The following PCSK5 variants were observed in gnomAD, a reference collection of about 807,000 sequenced individuals.
PCSK5 encodes prohormone convertase 5.
PCSK5 carries 129 observed loss-of-function variants against 233.2 expected under a neutral mutation model. The ratio of observed to expected loss-of-function variants is 0.55; its 90% CI spans 0.48 to 0.64. The LOEUF is 0.64. Among genes scored for constraint, PCSK5 ranks in the 30% least tolerant of loss-of-function variants. PCSK5 has a pLI of 0.00. For synonymous variants in PCSK5, 825 were observed against 879.2 expected, an observed-to-expected ratio of 0.94 and a Z score of 1.09; for missense variants, 2,076 against 2,430.1, an observed-to-expected ratio of 0.85 and a Z score of 3.06.
intron 2 of PCSK5, among the ~76,000 whole-genome samples, chr9:75,980,509 T>G (rs1056512086): frequency 6.6e-6 from 1 of 152,196 alleles, no homozygotes; most frequent in Admixed American, 6.5e-5. Context: ...AAATGTCTGT[T>G]TCAAGCAAAT....
chr9:76,095,207 G>A (rs1405412363), intron 7 of PCSK5, among the ~76,000 whole-genome samples: 4 of 152,104 alleles, frequency 2.6e-5, no homozygotes, highest in African/African-American at 9.7e-5. Context: ...AGTAATTAGT[G>A]TCTACACCAC....
chr9:76,190,571 T>C (rs1824324397), intron 20 of PCSK5, among the ~76,000 whole-genome samples: 1 of 134,176 alleles, frequency 7.5e-6, no homozygotes, highest in South Asian at 2.7e-4. Flanking sequence ...AATAGCAGCA[T>C]AAAATTCAAT....
chr9:76,090,117 A>T (rs1831224854), intron 7 of PCSK5, among the ~76,000 whole-genome samples: 1 of 152,186 alleles, frequency 6.6e-6, no homozygotes, highest in Non-Finnish European at 1.5e-5. Flanking sequence ...TTAAATAGCC[A>T]ATTGCAATCA....
intron 2 of PCSK5, among the ~76,000 whole-genome samples, chr9:75,963,707 C>G (rs1284225346): frequency 6.6e-6 from 1 of 152,126 alleles, no homozygotes; most frequent in Non-Finnish European, 1.5e-5. Flanking sequence ...GGTGAAACCC[C>G]GTCTCTACTA....
At chr9:75,951,815 G>C (rs777099137) in intron 2 of PCSK5, among the ~76,000 whole-genome samples, 7 of 152,120 alleles carry the variant, frequency 4.6e-5, no homozygotes, top group Admixed American at 2.0e-4. Context: ...CATTTACATT[G>C]TATTAGGTAT....
chr9:76,254,930 A>C (rs930586829), intron 24 of PCSK5, among the ~76,000 whole-genome samples: 1 of 152,190 alleles, frequency 6.6e-6, no homozygotes, highest in African/African-American at 2.4e-5. Flanking sequence ...GCAGGTGCTG[A>C]TACCTACTCC....
At chr9:76,265,507 T>C (rs1189021965) in intron 24 of PCSK5, among the ~76,000 whole-genome samples, 1 of 152,130 alleles carries the variant, frequency 6.6e-6, no homozygotes, top group Non-Finnish European at 1.5e-5. Flanking sequence ...ATAAATGAGA[T>C]GAATAAATGC....
At chr9:76,272,051 A>G (rs1418170531) in intron 24 of PCSK5, among the ~76,000 whole-genome samples, 1 of 152,192 alleles carries the variant, frequency 6.6e-6, no homozygotes, top group Admixed American at 6.5e-5. Flanking sequence ...TACATAGAGT[A>G]TTTGAATATG....
At chr9:75,936,055 A>G (rs1341703627) in intron 2 of PCSK5, among the ~76,000 whole-genome samples, 1 of 152,210 alleles carries the variant, frequency 6.6e-6, no homozygotes, top group Non-Finnish European at 1.5e-5. Flanking sequence ...AGTTATGTTC[A>G]TACTATCCTG....
intron 10 of PCSK5, among the ~76,000 whole-genome samples, chr9:76,142,280 G>A (rs551289036): frequency 1.4e-4 from 21 of 151,624 alleles, no homozygotes; most frequent in Non-Finnish European, 2.5e-4. Context: ...TTCTGGTTCC[G>A]AGTTAGTATG....
chr9:76,114,742 A>G (rs899198605), intron 9 of PCSK5, among the ~76,000 whole-genome samples: 1 of 152,158 alleles, frequency 6.6e-6, no homozygotes, highest in Non-Finnish European at 1.5e-5. Flanking sequence ...TCTTATTACT[A>G]TAATAATAAA....
At chr9:76,270,537 C>T (rs1310927657) in intron 24 of PCSK5, among the ~76,000 whole-genome samples, 1 of 152,160 alleles carries the variant, frequency 6.6e-6, no homozygotes, top group African/African-American at 2.4e-5. Flanking sequence ...ACATTCAAGG[C>T]AAGGTCTTGA....
intron 12 of PCSK5, among the ~76,000 whole-genome samples, chr9:76,161,593 T>G (rs1183688382): frequency 2.6e-5 from 4 of 152,174 alleles, no homozygotes; most frequent in Non-Finnish European, 5.9e-5. Flanking sequence ...CCCTCCGCTG[T>G]TGCTGTTTGC....
rs1456742270 is a variant in PCSK5, at chr9:76,024,248, C to T, written c.555+367C>T. Among the ~76,000 whole-genome samples, 4 of 152,194 alleles carry T rather than the reference C, an allele frequency of 2.6e-5. No individual in the cohort carries two copies. The East Asian group carries it at 7.7e-4, about 29-fold the overall frequency. ...GTACTTCGAACTTTTCTCCAGTTAT[C>T]TGCTGGTCTTTTTCTCTCTCTGCCT... On this transcript the variant is annotated intron_variant, in intron 4 of 37. Coordinates refer to ENST00000674117, the MANE Select transcript of PCSK5 (RefSeq NM_001372043.1).
intron 3 of PCSK5, among the ~76,000 whole-genome samples, chr9:76,017,485 A>G (rs1827997544): frequency 6.6e-6 from 1 of 152,200 alleles, no homozygotes; most frequent in Admixed American, 6.5e-5. Context: ...TCTTTATAGC[A>G]ATTATCTGTG....
chr9:76,244,190 C>T lies in PCSK5; in HGVS notation c.3142+3506C>T, dbSNP rs369033077. Among the ~76,000 whole-genome samples, 18 of 152,192 alleles carry T rather than the reference C, an allele frequency of 1.2e-4. 1 individual carries two copies. The highest frequency in any genetic ancestry group is 1.0e-3 in the Admixed American group (16 of 15,278). ...GCAGTGAGCCGTATTCATGCCACTG[C>T]ACTCCAGCCTGGGCAACAGAGCAAG... On this transcript the variant is annotated intron_variant, in intron 24 of 37. Coordinates refer to ENST00000674117, the MANE Select transcript of PCSK5 (RefSeq NM_001372043.1).
chr9:76,116,927 T>A (rs1293931517), intron 9 of PCSK5, among the ~76,000 whole-genome samples: 1 of 152,148 alleles, frequency 6.6e-6, no homozygotes, highest in African/African-American at 2.4e-5. Context: ...GAACTTTCCC[T>A]ACAGTTATTC....
At chr9:76,185,990 C>T (rs541656022) in intron 17 of PCSK5, among the ~76,000 whole-genome samples, 50 of 152,190 alleles carry the variant, frequency 3.3e-4, no homozygotes, top group African/African-American at 1.1e-3. Flanking sequence ...GTATGTTAAA[C>T]CAGTGCATGC....
chr9:75,968,813 C>T (rs550697337), intron 2 of PCSK5, among the ~76,000 whole-genome samples: 41 of 152,330 alleles, frequency 2.7e-4, no homozygotes, highest in Middle Eastern at 3.4e-3. Context: ...CCATAGTCAA[C>T]GGTAGGGACC....
Sources: gnomAD v4.1 joint callset for allele counts (sites outside exome capture counted in the v4.1 genomes callset) on GRCh38, gnomAD v4.1.1 for gene constraint, MANE v1.5 for transcripts, NCBI Gene and HGNC (gene_info 2026-07-23, HGNC 2026-07-21) for gene names.